DPP6: variants seen among roughly 807,000 people sequenced by gnomAD.
The protein encoded by DPP6 is dipeptidyl peptidase like 6.
In DPP6, 69 loss-of-function variants were observed where a neutral mutation model predicts 122.6. The ratio of observed to expected loss-of-function variants is 0.56; its 90% CI spans 0.46 to 0.69. DPP6 has a LOEUF of 0.69. Among genes scored for constraint, DPP6 ranks in the 30% least tolerant of loss-of-function variants. The pLI is 0.00. For missense variants in DPP6, 928 were observed against 1,116.9 expected, an observed-to-expected ratio of 0.83 and a Z score of 2.41; for synonymous variants, 418 against 433.1, an observed-to-expected ratio of 0.97 and a Z score of 0.43.
intron 1 of DPP6, among the ~76,000 whole-genome samples, chr7:153,917,617 G>A (rs1800383725): frequency 6.6e-6 from 1 of 152,164 alleles, no homozygotes; most frequent in African/African-American, 2.4e-5. Flanking sequence ...GTGGTCTGAA[G>A]GCTCTGGAAA....
chr7:154,800,385 G>A (rs1015819650), intron 12 of DPP6, among the ~76,000 whole-genome samples: 1 of 152,220 alleles, frequency 6.6e-6, no homozygotes, highest in African/African-American at 2.4e-5. Flanking sequence ...CCGCATTCGT[G>A]TGAAGCTCCT....
intron 3 of DPP6, among the ~76,000 whole-genome samples, chr7:154,515,246 G>A (rs1488974866): frequency 6.6e-6 from 1 of 152,118 alleles, no homozygotes; most frequent in Non-Finnish European, 1.5e-5. Context: ...TGGGGACTCT[G>A]GCGTGGCACT....
chr7:154,838,932 A>G (rs1424132574), intron 16 of DPP6: 3 of 152,208 alleles, frequency 2.0e-5, no homozygotes. Context: ...GGTTTCAGTA[A>G]AAGAATACTC....
At chr7:154,296,283 A>G (rs1181542244) in intron 1 of DPP6, among the ~76,000 whole-genome samples, 10 of 152,084 alleles carry the variant, frequency 6.6e-5, no homozygotes, top group Non-Finnish European at 1.5e-4. Flanking sequence ...GCATGGTTGC[A>G]TCCAGTCTGT....
intron 5 of DPP6, among the ~76,000 whole-genome samples, chr7:154,612,379 C>T (rs563804740): frequency 1.3e-5 from 2 of 152,308 alleles, no homozygotes; most frequent in East Asian, 3.9e-4. Flanking sequence ...AATGTCATTT[C>T]AAGAATGTTA....
At chr7:154,868,630 ACT>A (rs1161816043) in intron 18 of DPP6, among the ~76,000 whole-genome samples, 1 of 152,088 alleles carries the variant, frequency 6.6e-6, no homozygotes, top group African/African-American at 2.4e-5. Context: ...CTGGGCACTA[ACT>A]CTGTGCTAGG....
Position 154,096,578 on chromosome 7 carries a change from A to G in DPP6, c.243+43515A>G, listed in dbSNP as rs1013471972. ...ATCTTGGTATTTGTGCTATGTCTGC[A>G]TAATAAAATATTTCATAATTAAAGT... On this transcript the variant is annotated intron_variant, in intron 1 of 25. Transcript: ENST00000377770. Among the ~76,000 whole-genome samples, 352 of 152,240 alleles carry G rather than the reference A, an allele frequency of 2.3e-3. 3 individuals carry two copies. Among genetic ancestry groups the G allele is most frequent in the African/African-American group, 8.1e-3 (337 of 41,550 alleles).
At chr7:154,634,325 T>C (rs1318175625) in intron 5 of DPP6, among the ~76,000 whole-genome samples, 2 of 151,912 alleles carry the variant, frequency 1.3e-5, no homozygotes, top group East Asian at 3.9e-4. Flanking sequence ...TCCATGTCCC[T>C]ACAAAGGACA....
chr7:154,504,380 A>G (rs1825504004), intron 3 of DPP6, among the ~76,000 whole-genome samples: 1 of 152,182 alleles, frequency 6.6e-6, no homozygotes, highest in South Asian at 2.1e-4. Flanking sequence ...ATTAATATAT[A>G]ATCTTATCGT....
chr7:154,691,211 A>G (rs1225936533), intron 7 of DPP6, among the ~76,000 whole-genome samples: 1 of 152,174 alleles, frequency 6.6e-6, no homozygotes, highest in Non-Finnish European at 1.5e-5. Flanking sequence ...TGGATTAAGG[A>G]ACATTGAAAC....
intron 1 of DPP6, among the ~76,000 whole-genome samples, chr7:154,071,234 C>T (rs1038783443): frequency 4.6e-5 from 7 of 152,218 alleles, no homozygotes; most frequent in Admixed American, 2.0e-4. Flanking sequence ...AGGGAAGCTA[C>T]GTCATTTGCC....
intron 1 of DPP6, chr7:154,027,015 C>T (rs1420393428): frequency 6.8e-6 from 1 of 146,416 alleles, no homozygotes; most frequent in Non-Finnish European, 1.5e-5. Context: ...CCAGTCTCCA[C>T]TGCTTCACAG....
chr7:153,845,729 T>A, the DPP6 span, among the ~76,000 whole-genome samples: 5 of 152,262 alleles, frequency 3.3e-5, no homozygotes, highest in East Asian at 9.7e-4. Flanking sequence ...ATTCTATTTC[T>A]GTTCTCTTGT....
intron 1 of DPP6, among the ~76,000 whole-genome samples, chr7:154,111,701 T>C (rs1310115076): frequency 6.6e-6 from 1 of 151,830 alleles, no homozygotes; most frequent in Non-Finnish European, 1.5e-5. Context: ...TAGATGTCTC[T>C]TCTGATCTAT....
intron 7 of DPP6, among the ~76,000 whole-genome samples, chr7:154,686,244 T>A (rs928602087): frequency 2.0e-5 from 3 of 152,210 alleles, no homozygotes; most frequent in Admixed American, 1.3e-4. Context: ...TCCCAGCTTC[T>A]TCCTTTGGAC....
At chr7:154,119,566 T>C (rs1807282036) in intron 1 of DPP6, among the ~76,000 whole-genome samples, 1 of 150,344 alleles carries the variant, frequency 6.7e-6, no homozygotes, top group Non-Finnish European at 1.5e-5. Context: ...GGCTGTTGAC[T>C]CGCCACCTTG....
chr7:154,548,739 T>A (rs996569689), intron 4 of DPP6, among the ~76,000 whole-genome samples: 1 of 152,142 alleles, frequency 6.6e-6, no homozygotes, highest in African/African-American at 2.4e-5. Context: ...AAAACAGATT[T>A]CTACTCTTAT....
At chr7:153,797,551 A>G in the DPP6 span, among the ~76,000 whole-genome samples, 1 of 152,204 alleles carries the variant, frequency 6.6e-6, no homozygotes. Context: ...TCAATGACTC[A>G]GTTGTGTCTT....
chr7:154,091,658 G>C (rs1030208998), intron 1 of DPP6, among the ~76,000 whole-genome samples: 9 of 151,950 alleles, frequency 5.9e-5, no homozygotes, highest in African/African-American at 2.2e-4. Context: ...TAAGAGAAAG[G>C]ATAAGGTCCC....
Sources: gnomAD v4.1 joint callset for allele counts (sites outside exome capture counted in the v4.1 genomes callset) on GRCh38, gnomAD v4.1.1 for gene constraint, MANE v1.5 for transcripts, NCBI Gene and HGNC (gene_info 2026-07-23, HGNC 2026-07-21) for gene names.